Variants in PRELID2 observed in about 807,000 individuals in gnomAD.
The protein encoded by PRELID2 is PRELI domain-containing protein 2.
Under a neutral mutation model 28.4 loss-of-function variants are expected in PRELID2, and 25 were observed. The ratio of observed to expected loss-of-function variants is 0.88; its 90% confidence interval spans 0.64 to 1.23. The LOEUF is 1.23. PRELID2 is among the 50% of genes most tolerant of loss of function. The pLI, the probability that PRELID2 is intolerant of heterozygous loss-of-function variation, is 0.00. For missense variants in PRELID2, 201 were observed against 214.4 expected (o/e 0.94, Z 0.39); for synonymous variants, 76 against 71.6 (o/e 1.06, Z -0.31).
intron 1 of PRELID2, among the ~76,000 whole-genome samples, chr5:145,475,698 T>C (rs574325825): frequency 6.6e-6 from 1 of 152,356 alleles, no homozygotes; most frequent in African/African-American, 2.4e-5. Context: ...AAAAGAATAG[T>C]ATTAGCCCAG....
intron 5 of PRELID2, among the ~76,000 whole-genome samples, chr5:145,791,360 T>C (rs1012400722): frequency 6.6e-6 from 1 of 151,904 alleles, no homozygotes. Flanking sequence ...ACAAACAAAA[T>C]GTGATATATA....
At chr5:145,646,696 T>G (rs1419021966) in intron 1 of PRELID2, among the ~76,000 whole-genome samples, 1 of 152,220 alleles carries the variant, frequency 6.6e-6, no homozygotes, top group Non-Finnish European at 1.5e-5. Context: ...TCTTTGATGT[T>G]GCTGACCTTC....
the PRELID2 span, among the ~76,000 whole-genome samples, chr5:145,406,453 C>G: frequency 1.3e-5 from 2 of 152,084 alleles, no homozygotes; most frequent in Admixed American, 1.3e-4. Context: ...TCTCAAAGGG[C>G]AGAGAAAGAA....
the PRELID2 span, among the ~76,000 whole-genome samples, chr5:145,438,857 A>T: frequency 1.3e-5 from 2 of 152,224 alleles, no homozygotes; most frequent in African/African-American, 4.8e-5. Context: ...GCTATTTAAG[A>T]CCCAGAGCTT....
chr5:145,342,902 T>TAAAAAAAAAA, the PRELID2 span, among the ~76,000 whole-genome samples: 8 of 128,934 alleles, frequency 6.2e-5, no homozygotes, highest in East Asian at 2.1e-4. Flanking sequence ...TCAAAAACAG[T>TAAAAAAAAAA]AAAAAAAAAA....
chr5:145,633,604 T>G (rs1168390841), intron 1 of PRELID2, among the ~76,000 whole-genome samples: 1 of 152,208 alleles, frequency 6.6e-6, no homozygotes, highest in Non-Finnish European at 1.5e-5. Context: ...AAGCTCTGAG[T>G]TGGGAAGCTT....
intron 4 of PRELID2, among the ~76,000 whole-genome samples, chr5:145,816,193 G>A (rs1754296899): frequency 7.1e-6 from 1 of 141,256 alleles, no homozygotes; most frequent in African/African-American, 2.6e-5. Context: ...AGCTATTCTC[G>A]TGCCTCAGCC....
rs151279236 is a variant in PRELID2 at position 145,501,135 on chromosome 5, T to C, written n.71-27820A>G. Reference sequence around the variant, plus strand: ...ACTCATAGTCCAGGCCACCCCACCATCAATTCAACTGAAGAAGGAAATATT... The same window carrying C: ...ACTCATAGTCCAGGCCACCCCACCACCAATTCAACTGAAGAAGGAAATATT... On this transcript the variant is annotated intron_variant and non_coding_transcript_variant, in intron 1 of 2. Coordinates refer to the PRELID2 transcript ENST00000510259. 4.1e-4 allele frequency among the ~76,000 whole-genome samples: 63 copies of C among 152,232 alleles called. 1 individual carries two copies. In the East Asian group the frequency reaches 0.011, roughly 28 times the overall value.
At chr5:145,305,236 A>C in the PRELID2 span, among the ~76,000 whole-genome samples, 1 of 152,210 alleles carries the variant, frequency 6.6e-6, no homozygotes, top group Non-Finnish European at 1.5e-5. Flanking sequence ...TAGATATGAT[A>C]ATGTAAAATT....
intron 1 of PRELID2, among the ~76,000 whole-genome samples, chr5:145,484,466 T>C (rs1386273441): frequency 6.6e-6 from 1 of 152,204 alleles, no homozygotes; most frequent in Non-Finnish European, 1.5e-5. Context: ...TTCTATTTCT[T>C]ATTGGTTCAT....
the PRELID2 span, among the ~76,000 whole-genome samples, chr5:145,464,254 T>C: frequency 1.6e-4 from 25 of 152,084 alleles, no homozygotes; most frequent in Non-Finnish European, 3.4e-4. Context: ...CGAGCATCCC[T>C]TATGCAAATG....
chr5:145,302,862 T>C, the PRELID2 span, among the ~76,000 whole-genome samples: 1 of 152,178 alleles, frequency 6.6e-6, no homozygotes, highest in Admixed American at 6.5e-5. Flanking sequence ...AATCAAGTAG[T>C]TATTTCTTCA....
chr5:145,635,632 G>A (rs1157123339), intron 1 of PRELID2, among the ~76,000 whole-genome samples: 1 of 152,228 alleles, frequency 6.6e-6, no homozygotes, highest in African/African-American at 2.4e-5. Context: ...CTAACATTCT[G>A]TCTTTGGCCA....
chr5:145,562,865 A>G (rs1259548259), intron 1 of PRELID2, among the ~76,000 whole-genome samples: 1 of 152,246 alleles, frequency 6.6e-6, no homozygotes, highest in Non-Finnish European at 1.5e-5. Flanking sequence ...ACTTTAGGCC[A>G]AAGTAGAGTT....
intron 1 of PRELID2, among the ~76,000 whole-genome samples, chr5:145,668,882 C>T (rs181023612): frequency 6.6e-6 from 1 of 152,194 alleles, no homozygotes; most frequent in Non-Finnish European, 1.5e-5. Flanking sequence ...GATTGATTTG[C>T]TTGACTAATA....
the PRELID2 span, among the ~76,000 whole-genome samples, chr5:145,304,657 G>A: frequency 3.3e-5 from 5 of 151,944 alleles, no homozygotes; most frequent in Admixed American, 1.3e-4. Flanking sequence ...TAGCCTGTCC[G>A]ATATATATTG....
chr5:145,831,404 C>G (rs1411343073), intron 1 of PRELID2, among the ~76,000 whole-genome samples: 1 of 152,172 alleles, frequency 6.6e-6, no homozygotes, highest in Non-Finnish European at 1.5e-5. Context: ...ATGGAGTGGA[C>G]CCCTAAAAGA....
the PRELID2 span, among the ~76,000 whole-genome samples, chr5:145,323,404 T>G: frequency 6.6e-6 from 1 of 152,148 alleles, no homozygotes; most frequent in African/African-American, 2.4e-5. Flanking sequence ...AGGGAAGATA[T>G]GTGATCAGAC....
chr5:145,524,655 T>C (rs1033450334), intron 1 of PRELID2, among the ~76,000 whole-genome samples: 4 of 152,214 alleles, frequency 2.6e-5, no homozygotes, highest in Admixed American at 2.0e-4. Context: ...GATGTCCCAG[T>C]GACTTCATTC....
Sources: gnomAD v4.1 joint callset for allele counts (sites outside exome capture counted in the v4.1 genomes callset) on GRCh38, gnomAD v4.1.1 for gene constraint, MANE v1.5 for transcripts, NCBI Gene and HGNC (gene_info 2026-07-23, HGNC 2026-07-21) for gene names.